KCNN3: variants seen among roughly 807,000 people sequenced by gnomAD.
KCNN3 encodes the protein potassium calcium-activated channel subfamily N member 3, also known as small conductance calcium-activated potassium channel protein 3.
Under a neutral mutation model 62.9 loss-of-function variants are expected in KCNN3, and 16 were observed. The observed-to-expected ratio is 0.25, with a 90% CI of 0.17 to 0.39. The LOEUF is 0.39. Among genes scored for constraint, KCNN3 ranks in the 10% least tolerant of loss-of-function variants. The pLI is 1.00. For missense variants in KCNN3, 599 were observed against 949.4 expected (o/e 0.63, Z 4.85); for synonymous variants, 370 against 389.2 (o/e 0.95, Z 0.58).
intron 3 of KCNN3, 69 bp downstream of exon 3, chr1:154,771,906 C>G (rs755609819): frequency 1.3e-6 from 2 of 1,499,166 alleles, no homozygotes; most frequent in Non-Finnish European, 1.9e-6. Flanking sequence ...TACTTCCTGG[C>G]ACCCCTACTC....
chr1:154,753,581 G>A (rs971123865), intron 3 of KCNN3, among the ~76,000 whole-genome samples: 1 of 152,324 alleles, frequency 6.6e-6, no homozygotes, highest in South Asian at 2.1e-4. Context: ...GGTCCCAAGG[G>A]CCCAGGCCTC....
intron 2 of KCNN3, among the ~76,000 whole-genome samples, chr1:154,788,976 A>C (rs1649399341): frequency 6.6e-6 from 1 of 152,108 alleles, no homozygotes; most frequent in Admixed American, 6.6e-5. Context: ...GTCCACGTAC[A>C]CTCATTTCTT....
chr1:154,789,488 A>G (rs1649420872), intron 2 of KCNN3, among the ~76,000 whole-genome samples: 1 of 152,126 alleles, frequency 6.6e-6, no homozygotes, highest in Non-Finnish European at 1.5e-5. Flanking sequence ...TGCTAAATCT[A>G]GTTTAATCTT....
At chr1:154,750,502 A>G (rs1020422792) in intron 3 of KCNN3, among the ~76,000 whole-genome samples, 3 of 152,136 alleles carry the variant, frequency 2.0e-5, no homozygotes, top group Non-Finnish European at 4.4e-5. Flanking sequence ...AAGGGAATAG[A>G]GCAAAACCCC....
Position 154,724,009 on chromosome 1 carries a change from C to CT in KCNN3, c.1701+1906dup, listed in dbSNP as rs1213924906. On this transcript the variant is annotated intron_variant, in intron 5 of 7. Transcript: ENST00000271915. ...GCCATCGTGATGTGACAAATCATGGCTTTTTTTGGTGCAGCTGATAGCTCA... is the reference window on the plus strand; with the variant it reads ...GCCATCGTGATGTGACAAATCATGGCTTTTTTTTGGTGCAGCTGATAGCTCA... Among the ~76,000 whole-genome samples, 11 of 152,210 alleles carry CT rather than the reference C, an allele frequency of 7.2e-5. No homozygotes were observed. The East Asian group carries it at 1.7e-3, about 24-fold the overall frequency.
chr1:154,860,191 C>G (rs1298504320), intron 1 of KCNN3, among the ~76,000 whole-genome samples: 3 of 152,224 alleles, frequency 2.0e-5, no homozygotes, highest in Admixed American at 6.5e-5. Flanking sequence ...CTAGGAAGCA[C>G]CCTGACTCAA....
chr1:154,784,834 T>G (rs1649208521), intron 2 of KCNN3, among the ~76,000 whole-genome samples: 1 of 152,234 alleles, frequency 6.6e-6, no homozygotes, highest in African/African-American at 2.4e-5. Flanking sequence ...CTTATTTCTA[T>G]TTTACAGACA....
At chr1:154,808,517 G>A (rs773716702) in intron 2 of KCNN3, among the ~76,000 whole-genome samples, 3 of 152,102 alleles carry the variant, frequency 2.0e-5, no homozygotes, top group Non-Finnish European at 2.9e-5. Flanking sequence ...CAGCCAAGGC[G>A]TGTGTGTCTG....
chr1:154,807,874 A>G (rs1181567934), intron 2 of KCNN3, among the ~76,000 whole-genome samples: 2 of 152,082 alleles, frequency 1.3e-5, no homozygotes, highest in Non-Finnish European at 2.9e-5. Flanking sequence ...CTCTTAAACA[A>G]GAGTGTACCA....
In KCNN3 at chr1:154,737,073, G is replaced by A. The variant is rs970483622; in HGVS notation, c.1449-3929C>T. 6.4e-5 allele frequency: 45 copies of A among 702,250 alleles called. No individual in the cohort carries two copies. The African/African-American group carries it at 7.2e-4, about 11-fold the overall frequency. The allele number at this position is 702,250 out of a possible 1,614,324, so 43.5% of individuals were successfully genotyped here. On this transcript the variant is annotated intron_variant, in intron 3 of 7. Transcript: ENST00000271915. Reference sequence around the variant, plus strand: ...CAGGAAGTGATGAGCCAGAAGGCTGGGCTGGTGATTCAGGACTGTGGGAGT... The same window carrying A: ...CAGGAAGTGATGAGCCAGAAGGCTGAGCTGGTGATTCAGGACTGTGGGAGT...
chr1:154,762,427 G>A (rs1648060667), intron 3 of KCNN3, among the ~76,000 whole-genome samples: 1 of 152,184 alleles, frequency 6.6e-6, no homozygotes, highest in African/African-American at 2.4e-5. Context: ...CTGAATATGT[G>A]TTGTGTGTTT....
At chr1:154,810,162 G>A (rs530729106) in intron 2 of KCNN3, among the ~76,000 whole-genome samples, 1 of 152,270 alleles carries the variant, frequency 6.6e-6, no homozygotes, top group African/African-American at 2.4e-5. Flanking sequence ...CCATAGGAAC[G>A]GGCAGAAGGA....
At chr1:154,785,566 CTTTTTCTTTTTT>C (rs1377993327) in intron 2 of KCNN3, among the ~76,000 whole-genome samples, 1 of 95,058 alleles carries the variant, frequency 1.1e-5, no homozygotes, top group Non-Finnish European at 2.2e-5. Flanking sequence ...AAGCACTTTT[CTTTTTCTTTTTT>C]TTTTTTTTTT....
At chr1:154,713,638 G>T (rs1553226825) in intron 6 of KCNN3, 105 bp from the exon 7 acceptor site, 2 of 893,996 alleles carry the variant, frequency 2.2e-6, no homozygotes, top group South Asian at 1.3e-5. Flanking sequence ...TTGGAACCCA[G>T]CATGGGGACC....
chr1:154,815,535 A>G (rs1045313089), intron 2 of KCNN3, among the ~76,000 whole-genome samples: 1 of 152,210 alleles, frequency 6.6e-6, no homozygotes, highest in African/African-American at 2.4e-5. Context: ...ACAGTGGATA[A>G]AGGTCTAGGA....
At chr1:154,738,564 T>C (rs1700761084) in intron 3 of KCNN3, among the ~76,000 whole-genome samples, 1 of 152,102 alleles carries the variant, frequency 6.6e-6, no homozygotes, top group Non-Finnish European at 1.5e-5. Flanking sequence ...GGTAACGAGC[T>C]CAGGGTGATG....
At chr1:154,863,171 C>T (rs1652829630) in intron 1 of KCNN3, among the ~76,000 whole-genome samples, 1 of 152,202 alleles carries the variant, frequency 6.6e-6, no homozygotes, top group Admixed American at 6.5e-5. Flanking sequence ...CCCCCAGCTG[C>T]TCCTCCCCTC....
Position 154,708,416 on chromosome 1 carries a change from C to T in KCNN3, c.1900-144G>A, listed in dbSNP as rs886400750. ...TCTGGTCAAGGAAGGATACAGGCTT[C>T]TTTCCTGGGGATGGGGATGCTGAAG... On this transcript the variant is annotated intron_variant, in intron 7 of 7. Transcript: ENST00000271915. 6.9e-6 allele frequency: 6 copies of T among 867,326 alleles called. No homozygotes were observed. In the African/African-American group the frequency reaches 1.0e-4, roughly 14 times the overall value. 53.7% of individuals were successfully genotyped at this position (867,326 alleles called of 1,614,324 possible). A position where few individuals can be genotyped will look rare whatever the true frequency, so the allele number is the denominator to read the frequency against.
intron 3 of KCNN3, among the ~76,000 whole-genome samples, chr1:154,739,588 T>A (rs1297987244): frequency 6.6e-6 from 1 of 152,214 alleles, no homozygotes; most frequent in Non-Finnish European, 1.5e-5. Flanking sequence ...CCCCTCCTCT[T>A]GAGGTCTTCA....
Sources: gnomAD v4.1 joint callset for allele counts (sites outside exome capture counted in the v4.1 genomes callset) on GRCh38, gnomAD v4.1.1 for gene constraint, MANE v1.5 for transcripts, NCBI Gene and HGNC (gene_info 2026-07-23, HGNC 2026-07-21) for gene names.